TBC1D32: variants seen among roughly 807,000 people sequenced by gnomAD.
The protein encoded by TBC1D32 is protein broad-minded.
Under a neutral mutation model 170.3 loss-of-function variants are expected in TBC1D32, and 151 were observed. The observed-to-expected ratio is 0.89, with a 90% CI of 0.78 to 1.01. The LOEUF is 1.01. Among genes scored for constraint, TBC1D32 ranks in the 50% least tolerant of loss-of-function variants. TBC1D32 has a pLI of 0.00. For synonymous variants in TBC1D32, 498 were observed against 488.0 expected (o/e 1.02, Z -0.27); for missense variants, 1,464 against 1,457.1 (o/e 1.00, Z -0.08).
At chr6:121,124,044 T>C (rs569574254) in intron 26 of TBC1D32, among the ~76,000 whole-genome samples, 98 of 152,100 alleles carry the variant, frequency 6.4e-4, no homozygotes, top group Non-Finnish European at 1.2e-3. Flanking sequence ...TTATATTGCC[T>C]ATCCCTTAAA....
intron 12 of TBC1D32, among the ~76,000 whole-genome samples, chr6:121,289,712 C>T (rs1234828364): frequency 3.3e-5 from 5 of 152,226 alleles, no homozygotes; most frequent in Admixed American, 1.3e-4. Context: ...GCCAAAAGAA[C>T]AAAGCTGGAG....
rs747206098 is a variant in TBC1D32 at position 121,242,324 on chromosome 6, A to C, written c.2034T>G (p.Asp678Glu). 8 of 1,612,670 alleles carry C rather than the reference A, an allele frequency of 5.0e-6. No individual in the cohort carries two copies. Among genetic ancestry groups the C allele is most frequent in the Non-Finnish European group, 6.8e-6 (8 of 1,179,362 alleles). ...QESQNIMAWE[D>E]NLLDDLLHFA... ...AATGTAGTAAATCATCTAACAAATT[A>C]TCTTCCCAAGCCATACTGAAATAGG... The change falls in exon 18 of 32, where the codon GAT becomes GAG. Residue 678 changes from aspartate to glutamate, a missense_variant. Around this residue, in one of 3 missense-constraint regions of TBC1D32, gnomAD observed 1,363 missense variants for 1,338.1 expected, o/e 1.02. Coordinates refer to ENST00000398212, the MANE Select transcript of TBC1D32 (RefSeq NM_152730.6).
At chr6:121,189,467 T>A (rs1216258504) in intron 22 of TBC1D32, among the ~76,000 whole-genome samples, 1 of 150,676 alleles carries the variant, frequency 6.6e-6, no homozygotes, top group African/African-American at 2.4e-5. Flanking sequence ...ATAGTTAATA[T>A]TAATGTTCAT....
intron 22 of TBC1D32, among the ~76,000 whole-genome samples, chr6:121,189,365 A>T (rs936902352): frequency 6.6e-6 from 1 of 152,022 alleles, no homozygotes; most frequent in African/African-American, 2.4e-5. Flanking sequence ...TGACACAGTG[A>T]GTCTAACTGA....
intron 24 of TBC1D32, among the ~76,000 whole-genome samples, chr6:121,138,821 C>T (rs1346377353): frequency 6.6e-6 from 1 of 151,806 alleles, no homozygotes; most frequent in Non-Finnish European, 1.5e-5. Flanking sequence ...TGTTATATTA[C>T]ACTTCATATA....
At position 121,317,612 on chromosome 6, in the gene TBC1D32, A is replaced by T. The variant is rs1429397864; in HGVS notation, c.378T>A (p.Ile126=). 1.9e-6 allele frequency: 3 copies of T among 1,612,508 alleles called. No homozygotes were observed. In the South Asian group the frequency reaches 3.3e-5, roughly 18 times the overall value. ...NIMIAVVESM[I]NKFEEDETRN... The stretch of plus-strand genomic sequence containing the variant: ...GTGTCTCATCTTCTTCAAACTTGTT[A>T]ATCATAGACTCGACCACAGCTATCA... Residue 126 remains isoleucine (I), a synonymous_variant, in exon 3 of 32, where the codon ATT becomes ATA. Transcript: ENST00000398212.
intron 31 of TBC1D32, among the ~76,000 whole-genome samples, chr6:121,085,250 T>TACATATACAC (rs2128169532): frequency 7.0e-6 from 1 of 142,680 alleles, no homozygotes; most frequent in African/African-American, 2.7e-5. Context: ...TACATACGTA[T>TACATATACAC]ATATATACAC....
chr6:121,219,881 C>A (rs886160760), intron 21 of TBC1D32, among the ~76,000 whole-genome samples: 1 of 152,090 alleles, frequency 6.6e-6, no homozygotes, highest in Non-Finnish European at 1.5e-5. Flanking sequence ...ATAATTATTC[C>A]GTTATGAGGA....
At chr6:121,171,566 T>C (rs1248359804) in intron 22 of TBC1D32, among the ~76,000 whole-genome samples, 1 of 152,124 alleles carries the variant, frequency 6.6e-6, no homozygotes, top group Non-Finnish European at 1.5e-5. Context: ...GTATCAGATA[T>C]TTGCCTTATC....
At chr6:121,293,481 A>G (rs947707908) in intron 11 of TBC1D32, among the ~76,000 whole-genome samples, 1 of 152,214 alleles carries the variant, frequency 6.6e-6, no homozygotes, top group Non-Finnish European at 1.5e-5. Flanking sequence ...TCATACTCTC[A>G]AAAGAGCTTA....
chr6:121,082,502 T>C (rs1346919511), intron 31 of TBC1D32, among the ~76,000 whole-genome samples: 1 of 151,962 alleles, frequency 6.6e-6, no homozygotes, highest in Non-Finnish European at 1.5e-5. Context: ...GGGATTATGG[T>C]AATGTCTTAT....
intron 21 of TBC1D32, among the ~76,000 whole-genome samples, chr6:121,211,108 C>T (rs767389735): frequency 2.0e-5 from 3 of 151,964 alleles, no homozygotes; most frequent in Non-Finnish European, 4.4e-5. Flanking sequence ...ACTGGATAAA[C>T]TCTAGCACAT....
intron 24 of TBC1D32, among the ~76,000 whole-genome samples, chr6:121,140,521 A>G (rs1331599610): frequency 6.6e-6 from 1 of 152,084 alleles, no homozygotes; most frequent in Non-Finnish European, 1.5e-5. Context: ...TAACCATATA[A>G]CTTACTCTTT....
intron 31 of TBC1D32, among the ~76,000 whole-genome samples, chr6:121,087,659 G>A (rs1050715200): frequency 7.9e-5 from 12 of 151,994 alleles, no homozygotes; most frequent in Admixed American, 1.3e-4. Context: ...TGTTAGGCCC[G>A]ATTATTTGAA....
At chr6:121,253,704 G>A (rs1482148303) in intron 17 of TBC1D32, among the ~76,000 whole-genome samples, 1 of 152,034 alleles carries the variant, frequency 6.6e-6, no homozygotes, top group African/African-American at 2.4e-5. Flanking sequence ...GGGCGACAGA[G>A]CGAGATTCCG....
intron 22 of TBC1D32, among the ~76,000 whole-genome samples, chr6:121,179,585 T>C (rs1788245966): frequency 6.6e-6 from 1 of 151,820 alleles, no homozygotes; most frequent in East Asian, 1.9e-4. Flanking sequence ...ATGTGAAGAG[T>C]TCAATAAATA....
At chr6:121,292,503 G>C (rs890550763) in intron 11 of TBC1D32, among the ~76,000 whole-genome samples, 3 of 152,060 alleles carry the variant, frequency 2.0e-5, no homozygotes, top group African/African-American at 7.2e-5. Context: ...AGTAAGTTAA[G>C]GGCAGAAGAA....
intron 25 of TBC1D32, among the ~76,000 whole-genome samples, chr6:121,127,500 A>G (rs1180002987): frequency 6.6e-6 from 1 of 152,152 alleles, no homozygotes. Flanking sequence ...TCAGTATTGT[A>G]AGCTATTTAT....
chr6:121,110,433 A>G (rs1388342368), intron 29 of TBC1D32, among the ~76,000 whole-genome samples: 1 of 151,976 alleles, frequency 6.6e-6, no homozygotes, highest in Admixed American at 6.5e-5. Flanking sequence ...GACTTGATAT[A>G]GGCTATAAAA....
Sources: gnomAD v4.1 joint callset for allele counts (sites outside exome capture counted in the v4.1 genomes callset) on GRCh38, gnomAD v4.1.1 for gene constraint, gnomAD v4.1.1 regional missense constraint, MANE v1.5 for transcripts, NCBI Gene and HGNC (gene_info 2026-07-23, HGNC 2026-07-21) for gene names.